Variants in SELENOI observed in about 807,000 individuals in gnomAD.
SELENOI encodes selenoprotein I, also known as ethanolaminephosphotransferase 1.
In SELENOI, 24 loss-of-function variants were observed where a neutral mutation model predicts 50.7. That is an observed-to-expected ratio of 0.47 (90% CI 0.34 to 0.67). The LOEUF (loss-of-function observed/expected upper bound fraction) is 0.67. Among genes scored for constraint, SELENOI ranks in the 30% least tolerant of loss-of-function variants. The probability of loss-of-function intolerance (pLI) is 0.01; values close to 1 mark genes in which losing one functional copy is unlikely to be tolerated. For synonymous variants in SELENOI, 155 were observed against 170.2 expected, an observed-to-expected ratio of 0.91 and a Z score of 0.70; for missense variants, 352 against 461.4, an observed-to-expected ratio of 0.76 and a Z score of 2.17.
chr2:26,394,565 CCTA>C lies in SELENOI; in HGVS notation c.*5463_*5465del, dbSNP rs965840768. 1 of 151,846 alleles carries C rather than the reference CCTA, an allele frequency of 6.6e-6. No homozygotes were observed. The highest frequency in any genetic ancestry group is 1.5e-5 in the Non-Finnish European group (1 of 68,002). The allele number at this position is 151,846 out of a possible 1,614,324, so 9.4% of individuals were successfully genotyped here. A position where few individuals can be genotyped will look rare whatever the true frequency, so the allele number is the denominator to read the frequency against. The stretch of plus-strand genomic sequence containing the variant: ...TAGAGGAGCATTCAGGAGATAAAGA[CCTA>C]GCTACATGTAATGATATGATCATTT... On this transcript the variant is annotated 3_prime_UTR_variant, in exon 10 of 10. Transcript: ENST00000260585. The surrounding 1 kb of genome is among the most constrained non-coding windows in gnomAD (Gnocchi z 4.1).
intron 6 of SELENOI, among the ~76,000 whole-genome samples, chr2:26,381,110 C>T (rs1428938949): frequency 6.9e-6 from 1 of 144,710 alleles, no homozygotes; most frequent in Non-Finnish European, 1.5e-5. Flanking sequence ...CTGAAGTGTA[C>T]CTACTTAATA....
chr2:26,388,035 C>G (rs1255056866), intron 9 of SELENOI, among the ~76,000 whole-genome samples: 1 of 152,102 alleles, frequency 6.6e-6, no homozygotes, highest in Non-Finnish European at 1.5e-5. Flanking sequence ...CAAAGTTGCC[C>G]TCATTTGTTA....
intron 6 of SELENOI, among the ~76,000 whole-genome samples, chr2:26,381,358 A>C (rs1677697612): frequency 6.6e-6 from 1 of 151,810 alleles, no homozygotes; most frequent in Non-Finnish European, 1.5e-5. Flanking sequence ...TACTTGAAAC[A>C]TAGAGCTTCA....
At chr2:26,375,011 G>A (rs1677536638) in intron 5 of SELENOI, 29 bp from the exon 6 acceptor site, 2 of 1,460,720 alleles carry the variant, frequency 1.4e-6, no homozygotes, top group Non-Finnish European at 1.9e-6. Context: ...TAATGCTTCT[G>A]TATGCTTTTG....
intron 1 of SELENOI, chr2:26,346,828 A>G (rs1196018020): frequency 6.5e-6 from 1 of 152,870 alleles, no homozygotes; most frequent in East Asian, 1.9e-4. Context: ...GTGCACAGGA[A>G]GGAGCTGTGG....
At chr2:26,375,205 G>A (rs868217551) in intron 6 of SELENOI, 57 bp downstream of exon 6, 9 of 1,131,454 alleles carry the variant, frequency 8.0e-6, no homozygotes, top group Middle Eastern at 2.0e-4. Context: ...CAAAAGAGCC[G>A]GTATTTGACT....
At position 26,386,528 on chromosome 2, in the gene SELENOI, G is replaced by A. The variant is rs761288670; in HGVS notation, c.1087G>A (p.Val363Ile). Residue 363 changes from valine (V) to isoleucine (I), a missense_variant, in exon 9 of 10, where the codon GTA (valine) becomes ATA (isoleucine). By Grantham distance (29) the Val-to-Ile change is conservative. Transcript: ENST00000260585. ...TACTCTGGCCCACATCCATTATGGA[G>A]TACGAGTGGTGAGTAATCTACAGCA... ...AFTLAHIHYG[V>I]RVVKQLSSHF... is the part of the protein sequence containing the mutation. 6.3e-7 allele frequency: 1 copy of A among 1,599,142 alleles called. No homozygotes were observed. The highest frequency in any genetic ancestry group is 8.5e-7 in the Non-Finnish European group (1 of 1,173,648).
rs1678058994 is a variant in SELENOI at position 26,395,053 on chromosome 2, AGTC to A, written c.*5951_*5953del. On this transcript the variant is annotated 3_prime_UTR_variant, in exon 10 of 10. Transcript: ENST00000260585. ...TTCAAGTAGTTTAATTGAACATATT[AGTC>A]ATTGGTCTGTCTGGGACGTGCAGTG... 6.6e-6 allele frequency: 1 copy of A among 152,240 alleles called. No homozygotes were observed. Among genetic ancestry groups the A allele is most frequent in the Non-Finnish European group, 1.5e-5 (1 of 68,042 alleles). 9.4% of individuals were successfully genotyped at this position (152,240 alleles called of 1,614,324 possible).
At chr2:26,351,832 G>A (rs1456721672) in intron 1 of SELENOI, among the ~76,000 whole-genome samples, 2 of 152,132 alleles carry the variant, frequency 1.3e-5, no homozygotes, top group African/African-American at 4.8e-5. Flanking sequence ...GATAGATTGC[G>A]GTTATTTCCA....
intron 1 of SELENOI, among the ~76,000 whole-genome samples, chr2:26,350,498 C>G (rs1676933330): frequency 6.6e-6 from 1 of 152,116 alleles, no homozygotes; most frequent in African/African-American, 2.4e-5. Context: ...GGATTATAGG[C>G]AGGGGCCACC....
intron 1 of SELENOI, among the ~76,000 whole-genome samples, chr2:26,360,180 T>C (rs1465717163): frequency 2.6e-5 from 4 of 152,250 alleles, no homozygotes; most frequent in Admixed American, 6.5e-5. Flanking sequence ...TTCATGAACA[T>C]GGAAGGTTCA....
intron 1 of SELENOI, among the ~76,000 whole-genome samples, chr2:26,348,311 T>C (rs1400752029): frequency 6.6e-6 from 1 of 152,254 alleles, no homozygotes; most frequent in Non-Finnish European, 1.5e-5. Context: ...TATTCCCTCA[T>C]GTGATGCTTT....
In SELENOI at chr2:26,394,164, G is replaced by T. The variant is rs1374866354; in HGVS notation, c.*5061G>T. ...CCAGCACTTTGGGAAGCCAAGGCAG[G>T]TGGATTGCTTGAGCCCAGGAGTTCG... is the stretch of plus-strand genomic sequence containing the variant. On this transcript the variant is annotated 3_prime_UTR_variant, in exon 10 of 10. Transcript: ENST00000260585. The surrounding 1 kb of genome is among the most constrained non-coding windows in gnomAD (Gnocchi z 4.1). 1 of 152,264 alleles carries T rather than the reference G, an allele frequency of 6.6e-6. No homozygotes were observed. Among genetic ancestry groups the T allele is most frequent in the Non-Finnish European group, 1.5e-5 (1 of 68,070 alleles). 9.4% of individuals were successfully genotyped at this position (152,264 alleles called of 1,614,324 possible). A position where few individuals can be genotyped will look rare whatever the true frequency, so the allele number is the denominator to read the frequency against.
intron 1 of SELENOI, among the ~76,000 whole-genome samples, chr2:26,350,599 A>G (rs993099621): frequency 6.6e-6 from 1 of 152,196 alleles, no homozygotes; most frequent in African/African-American, 2.4e-5. Context: ...TGGGCTGCAA[A>G]ATTAAGCTAA....
intron 6 of SELENOI, among the ~76,000 whole-genome samples, chr2:26,378,215 T>C (rs1186245127): frequency 1.3e-5 from 2 of 152,206 alleles, no homozygotes; most frequent in Non-Finnish European, 2.9e-5. Flanking sequence ...AATCTTCGGC[T>C]GCTCTTCCAG....
chr2:26,370,592 G>A (rs1320260483), intron 4 of SELENOI, among the ~76,000 whole-genome samples: 1 of 14,088 alleles, frequency 7.1e-5, no homozygotes, highest in Non-Finnish European at 3.5e-4. Flanking sequence ...CCTCCCGGAC[G>A]GGGCGGCTGG....
chr2:26,373,226 T>C lies in SELENOI; in HGVS notation c.311-141T>C, dbSNP rs76142734. On this transcript the variant is annotated intron_variant, in intron 4 of 9. Transcript: ENST00000260585. The stretch of plus-strand genomic sequence containing the variant: ...AAGTGTAGAATTAAATAATTAGATT[T>C]TTATAGTACCAGCTGATAGCTATAC... 1,507 of 1,034,842 alleles carry C rather than the reference T, an allele frequency of 1.5e-3. 17 individuals are homozygous for C. The African/African-American group carries it at 0.021, about 15-fold the overall frequency. The allele number at this position is 1,034,842 out of a possible 1,614,324, so 64.1% of individuals were successfully genotyped here.
chr2:26,371,814 T>C (rs991372371), intron 4 of SELENOI, among the ~76,000 whole-genome samples: 29 of 152,144 alleles, frequency 1.9e-4, no homozygotes, highest in African/African-American at 2.9e-4. Context: ...GGCAGCAGTA[T>C]AGTCCAGCTT....
rs1677949572 is a variant in SELENOI, at chr2:26,390,898, CTTTGT to C, written c.*1799_*1803del. The C allele has an allele frequency of 6.6e-6, 1 of 152,090 alleles. No homozygotes were observed. Among genetic ancestry groups the C allele is most frequent in the African/African-American group, 2.4e-5 (1 of 41,404 alleles). 9.4% of individuals were successfully genotyped at this position (152,090 alleles called of 1,614,324 possible). A position where few individuals can be genotyped will look rare whatever the true frequency, so the allele number is the denominator to read the frequency against. On this transcript the variant is annotated 3_prime_UTR_variant, in exon 10 of 10. Transcript: ENST00000260585. ...ATGTTAATTGGGGGTAGGGAAAAAG[CTTTGT>C]TTTAAGATTTCTAAGCTAATTATTT...
Sources: allele counts gnomAD v4.1 joint callset (sites outside exome capture counted in the v4.1 genomes callset), GRCh38; gene constraint gnomAD v4.1.1; non-coding constraint Gnocchi (gnomAD v3.1); transcripts MANE v1.5; gene names NCBI Gene and HGNC (gene_info 2026-07-23, HGNC 2026-07-21).